ABLIM2: variants seen among roughly 807,000 people sequenced by gnomAD.
ABLIM2 encodes the protein actin-binding LIM protein 2.
ABLIM2 carries 53 observed loss-of-function variants against 97.7 expected under a neutral mutation model. The observed-to-expected ratio is 0.54, with a 90% CI of 0.44 to 0.68. The LOEUF (loss-of-function observed/expected upper bound fraction) is 0.68. ABLIM2 is among the 30% of genes least tolerant of loss of function. ABLIM2 has a pLI of 0.00. For synonymous variants in ABLIM2, 361 were observed against 345.8 expected, an observed-to-expected ratio of 1.04 and a Z score of -0.49; for missense variants, 835 against 867.2, an observed-to-expected ratio of 0.96 and a Z score of 0.47.
Position 8,128,370 on chromosome 4 carries a change from G to A in ABLIM2, c.11-21733C>T, listed in dbSNP as rs1337732829. Reference sequence around the variant, plus strand: ...ACAAGAAGACGTGTCTCTATCTAGCGAATCAGAGTCCAGCACCCCGTCATA... The same window carrying A: ...ACAAGAAGACGTGTCTCTATCTAGCAAATCAGAGTCCAGCACCCCGTCATA... On this transcript the variant is annotated intron_variant, in intron 1 of 20. Transcript: ENST00000447017. This position sits in a 1 kb window ranked among gnomAD's most constrained non-coding sequence, Gnocchi z 4.9. Among the ~76,000 whole-genome samples, 10 of 152,162 alleles carry A rather than the reference G, an allele frequency of 6.6e-5. No homozygotes were observed. Among genetic ancestry groups the A allele is most frequent in the Admixed American group, 3.9e-4 (6 of 15,276 alleles).
chr4:7,973,754 C>T (rs113747426), intron 20 of ABLIM2, among the ~76,000 whole-genome samples: 94 of 152,302 alleles, frequency 6.2e-4, no homozygotes, highest in African/African-American at 2.0e-3. Flanking sequence ...AGCCATGGAC[C>T]GGGAGGGCCT....
intron 19 of ABLIM2, 42 bp from the exon 20 acceptor site, chr4:7,983,386 T>A (rs1391828106): frequency 1.9e-6 from 3 of 1,596,994 alleles, no homozygotes; most frequent in Non-Finnish European, 2.6e-6. Context: ...ACGAAGCAAG[T>A]GTATGCTGGC....
intron 10 of ABLIM2, among the ~76,000 whole-genome samples, chr4:8,031,976 C>T (rs1781237005): frequency 6.6e-6 from 1 of 152,082 alleles, no homozygotes; most frequent in African/African-American, 2.4e-5. Context: ...ATCCGCCCAC[C>T]TCGGCCTCCC....
chr4:7,975,044 C>T (rs1276662695), intron 20 of ABLIM2, among the ~76,000 whole-genome samples: 1 of 152,068 alleles, frequency 6.6e-6, no homozygotes, highest in Non-Finnish European at 1.5e-5. Flanking sequence ...CATAGTAAGA[C>T]CCTGTCTCTA....
chr4:8,125,801 C>T lies in ABLIM2; in HGVS notation c.11-19164G>A, dbSNP rs1847624469. Among the ~76,000 whole-genome samples, 1 of 152,234 alleles carries T rather than the reference C, an allele frequency of 6.6e-6. No homozygotes were observed. The highest frequency in any genetic ancestry group is 2.4e-5 in the African/African-American group (1 of 41,460). On this transcript the variant is annotated intron_variant, in intron 1 of 20. Coordinates refer to ENST00000447017, the MANE Select transcript of ABLIM2 (RefSeq NM_001130083.2). The surrounding 1 kb of genome is among the most constrained non-coding windows in gnomAD (Gnocchi z 6.2). ...GTCACCTGCTGTCTGCTCTGGGCATCCACGGCTGTCCTCAGAATGCTCCAG... is the reference window on the plus strand; with the variant it reads ...GTCACCTGCTGTCTGCTCTGGGCATTCACGGCTGTCCTCAGAATGCTCCAG...
In ABLIM2 at chr4:8,032,042, A is replaced by G. The variant is rs1022973391; in HGVS notation, c.1048-2266T>C. Among the ~76,000 whole-genome samples, 3 of 152,178 alleles carry G rather than the reference A, an allele frequency of 2.0e-5. No homozygotes were observed. The highest frequency in any genetic ancestry group is 3.9e-4 in the East Asian group (2 of 5,158). On this transcript the variant is annotated intron_variant, in intron 10 of 20. Transcript: ENST00000447017. The surrounding 1 kb of genome is among the most constrained non-coding windows in gnomAD (Gnocchi z 4.3). Reference sequence around the variant, plus strand: ...ACGCCCAGCCTATGAAATGTTTACAATGGCATCAAGCACAGGGGAAGAGCT... The same window carrying G: ...ACGCCCAGCCTATGAAATGTTTACAGTGGCATCAAGCACAGGGGAAGAGCT...
intron 11 of ABLIM2, 88 bp from the exon 12 acceptor site, chr4:8,027,945 C>G (rs1384465422): frequency 1.0e-6 from 1 of 960,870 alleles, no homozygotes; most frequent in Non-Finnish European, 1.5e-6. Context: ...CTGCTACGAA[C>G]ACTGTTGCTT....
intron 20 of ABLIM2, among the ~76,000 whole-genome samples, chr4:7,968,068 G>A (rs1169378566): frequency 5.3e-5 from 8 of 152,220 alleles, no homozygotes; most frequent in Non-Finnish European, 8.8e-5. Context: ...CCTCCCCTAA[G>A]GAGCTTTTCT....
At chr4:7,967,210 G>C (rs1444745574) in intron 20 of ABLIM2, 107 bp from the exon 21 acceptor site, 1 of 894,054 alleles carries the variant, frequency 1.1e-6, no homozygotes, top group African/African-American at 1.6e-5. Context: ...TTGCATTGAG[G>C]ATGGGGTGGC....
chr4:8,134,188 A>T (rs1477682269), intron 1 of ABLIM2, among the ~76,000 whole-genome samples: 1 of 152,230 alleles, frequency 6.6e-6, no homozygotes, highest in Non-Finnish European at 1.5e-5. Flanking sequence ...TTGAGCGGCC[A>T]TGAGGGAAGC....
In ABLIM2 at chr4:8,003,106, A is replaced by G. The variant is rs2150250503; in HGVS notation, c.1618+4953T>C. Among the ~76,000 whole-genome samples the G allele has an allele frequency of 6.6e-6, 1 of 152,346 alleles. No individual in the cohort carries two copies. The highest frequency in any genetic ancestry group is 3.4e-3 in the Middle Eastern group (1 of 294). On this transcript the variant is annotated intron_variant, in intron 16 of 20. Coordinates refer to ENST00000447017, the MANE Select transcript of ABLIM2 (RefSeq NM_001130083.2). The surrounding 1 kb of genome is among the most constrained non-coding windows in gnomAD (Gnocchi z 4.2). The stretch of plus-strand genomic sequence containing the variant: ...CCCAGGACAGCACCGGAACACACCA[A>G]GCACTCATGAAATACAGAGAGATGC...
chr4:7,982,483 C>A (rs1481268801), intron 20 of ABLIM2, among the ~76,000 whole-genome samples: 1 of 152,216 alleles, frequency 6.6e-6, no homozygotes, highest in Non-Finnish European at 1.5e-5. Context: ...GCACGTGCCA[C>A]TTTGGCACGT....
At position 8,015,173 on chromosome 4, in the gene ABLIM2, A is replaced by G. The variant is rs534575236; in HGVS notation, c.1423+4445T>C. Among the ~76,000 whole-genome samples, 9 of 152,218 alleles carry G rather than the reference A, an allele frequency of 5.9e-5. 1 individual carries two copies. In the South Asian group the frequency reaches 1.9e-3, roughly 32 times the overall value. ...TGACCTCAGGTGATCCATTCACCTCAGCCTCCCAAAGTGCTGGGATTACAG... is the reference window on the plus strand; with the variant it reads ...TGACCTCAGGTGATCCATTCACCTCGGCCTCCCAAAGTGCTGGGATTACAG... On this transcript the variant is annotated intron_variant, in intron 14 of 20. Transcript: ENST00000447017. This position sits in a 1 kb window ranked among gnomAD's most constrained non-coding sequence, Gnocchi z 4.6.
intron 1 of ABLIM2, among the ~76,000 whole-genome samples, chr4:8,138,457 T>C (rs1561619913): frequency 6.6e-6 from 1 of 152,190 alleles, no homozygotes; most frequent in Non-Finnish European, 1.5e-5. Context: ...TCATGCTACC[T>C]GACTTCAAAC....
At position 8,033,406 on chromosome 4, in the gene ABLIM2, G is replaced by A. The variant is rs1455128412; in HGVS notation, c.1047+2743C>T. ...CGGGCCCTGTGAAGCCCTGTGCCAT[G>A]GGAGGTGGGAAGCTGAAGGCCATGG... On this transcript the variant is annotated intron_variant, in intron 10 of 20. Transcript: ENST00000447017. This position sits in a 1 kb window ranked among gnomAD's most constrained non-coding sequence, Gnocchi z 4.5. Among the ~76,000 whole-genome samples, 1 of 152,228 alleles carries A rather than the reference G, an allele frequency of 6.6e-6. No individual in the cohort carries two copies. Among genetic ancestry groups the A allele is most frequent in the Non-Finnish European group, 1.5e-5 (1 of 68,034 alleles).
intron 20 of ABLIM2, among the ~76,000 whole-genome samples, chr4:7,974,421 A>ACCCATCCC (rs1731141195): frequency 7.2e-6 from 1 of 138,972 alleles, no homozygotes; most frequent in Non-Finnish European, 1.6e-5. Context: ...CCACCAATCC[A>ACCCATCCC]TCCACCCACC....
chr4:8,088,578 C>A (rs962890264), intron 3 of ABLIM2, among the ~76,000 whole-genome samples: 3 of 152,248 alleles, frequency 2.0e-5, no homozygotes, highest in Non-Finnish European at 4.4e-5. Flanking sequence ...GTGCTTGGCA[C>A]ATGGCAACAT....
At position 8,049,116 on chromosome 4, in the gene ABLIM2, G is replaced by C. The variant is rs1257949818; in HGVS notation, c.823-3875C>G. 2.0e-5 allele frequency among the ~76,000 whole-genome samples: 3 copies of C among 152,258 alleles called. No homozygotes were observed. In the East Asian group the frequency reaches 5.8e-4, roughly 29 times the overall value. The stretch of plus-strand genomic sequence containing the variant: ...CGGTCACGGCGCCTCTGAGCATCCT[G>C]CACATCGGAGGCTGCCCATCCACGT... On this transcript the variant is annotated intron_variant, in intron 8 of 20. Coordinates refer to ENST00000447017, the MANE Select transcript of ABLIM2 (RefSeq NM_001130083.2).
chr4:8,126,420 T>C (rs1847955403), intron 1 of ABLIM2, among the ~76,000 whole-genome samples: 1 of 148,394 alleles, frequency 6.7e-6, no homozygotes, highest in Non-Finnish European at 1.5e-5. Flanking sequence ...CTCCCCACTG[T>C]TCTCCCTCCC....
Sources: gnomAD v4.1 joint callset for allele counts (sites outside exome capture counted in the v4.1 genomes callset) on GRCh38, gnomAD v4.1.1 for gene constraint, Gnocchi (gnomAD v3.1) non-coding constraint, MANE v1.5 for transcripts, NCBI Gene and HGNC (gene_info 2026-07-23, HGNC 2026-07-21) for gene names.